The following TSC22D1 variants were observed in gnomAD, a reference collection of about 807,000 sequenced individuals.
TSC22D1 encodes TSC22 domain family protein 1.
TSC22D1 carries 9 observed loss-of-function variants against 74.2 expected under a neutral mutation model. That is an observed-to-expected ratio of 0.12 (90% confidence interval 0.07 to 0.21). The LOEUF is 0.21. Among genes scored for constraint, TSC22D1 ranks in the 10% least tolerant of loss-of-function variants. The pLI is 1.00. For missense variants in TSC22D1, 1,427 were observed against 1,304.7 expected, an observed-to-expected ratio of 1.09 and a Z score of -1.44; for synonymous variants, 586 against 492.5, an observed-to-expected ratio of 1.19 and a Z score of -2.51.
Position 44,573,748 on chromosome 13 carries a change from C to A in TSC22D1, c.2327G>T (p.Gly776Val), listed in dbSNP as rs751091088. Residue 776 changes from glycine (G) to valine (V), a missense_variant, in exon 1 of 3, where the codon GGA (glycine) becomes GTA (valine). Physicochemically the swap from Gly to Val is moderately radical, Grantham distance 109. Coordinates refer to ENST00000458659, the MANE Select transcript of TSC22D1 (RefSeq NM_183422.4). ...PPAQTGIIHQ[G>V]VQTSAPSLPQ... ...AAGGCTTGGAGCACTAGTTTGAACT[C>A]CCTGATGAATAATCCCAGTTTGAGC... 1 of 1,614,208 alleles carries A rather than the reference C, an allele frequency of 6.2e-7. No individual in the cohort carries two copies. The highest frequency in any genetic ancestry group is 8.5e-7 in the Non-Finnish European group (1 of 1,180,032).
chr13:44,542,999 C>G (rs1265898020), intron 1 of TSC22D1, among the ~76,000 whole-genome samples: 1 of 152,046 alleles, frequency 6.6e-6, no homozygotes, highest in Admixed American at 6.5e-5. Flanking sequence ...CAAACCAAAG[C>G]TAACAAAATC....
At chr13:44,547,365 T>C (rs1881892999) in intron 1 of TSC22D1, among the ~76,000 whole-genome samples, 1 of 152,176 alleles carries the variant, frequency 6.6e-6, no homozygotes. Context: ...TCTAGAGAAC[T>C]TTAATTCAGA....
At chr13:44,462,809 A>G (rs1022166352) in intron 1 of TSC22D1, among the ~76,000 whole-genome samples, 2 of 152,180 alleles carry the variant, frequency 1.3e-5, no homozygotes, top group Non-Finnish European at 2.9e-5. Context: ...ACTAGAGTAC[A>G]GGAGAATAAG....
chr13:44,538,575 T>C (rs1008147970), intron 1 of TSC22D1: 19 of 985,306 alleles, frequency 1.9e-5, no homozygotes, highest in Non-Finnish European at 2.2e-5. Flanking sequence ...TCAAGCTTCC[T>C]CTATTTCAGT....
At chr13:44,435,834 G>A in intron 2 of TSC22D1, 1 of 602,502 alleles carries the variant, frequency 1.7e-6, no homozygotes, top group Non-Finnish European at 3.0e-6. Flanking sequence ...CGGGGAAGAA[G>A]ACCATTTAAT....
intron 1 of TSC22D1, among the ~76,000 whole-genome samples, chr13:44,451,004 C>A (rs1335752539): frequency 6.6e-6 from 1 of 152,102 alleles, no homozygotes; most frequent in East Asian, 1.9e-4. Flanking sequence ...CTTGCAAGAA[C>A]CTTGAATGGG....
At chr13:44,460,921 G>A (rs117116230) in intron 1 of TSC22D1, among the ~76,000 whole-genome samples, 2 of 152,214 alleles carry the variant, frequency 1.3e-5, no homozygotes, top group Non-Finnish European at 2.9e-5. Context: ...TGAAAACAAT[G>A]GTTTTTCTTA....
At chr13:44,498,046 T>C (rs1879050198) in intron 1 of TSC22D1, among the ~76,000 whole-genome samples, 1 of 150,270 alleles carries the variant, frequency 6.7e-6, no homozygotes, top group Admixed American at 6.7e-5. Flanking sequence ...GTAGTCTTCC[T>C]ACTTCCAAGA....
chr13:44,572,544 T>C (rs1369672999), intron 1 of TSC22D1, among the ~76,000 whole-genome samples: 3 of 152,242 alleles, frequency 2.0e-5, no homozygotes, highest in Admixed American at 6.5e-5. Flanking sequence ...TGATAGTTTA[T>C]GTCCTCCTTT....
intron 1 of TSC22D1, among the ~76,000 whole-genome samples, chr13:44,509,403 C>T (rs930059883): frequency 2.6e-5 from 4 of 152,206 alleles, no homozygotes; most frequent in Admixed American, 6.5e-5. Flanking sequence ...CTTTGGGAGG[C>T]CAAGGCAGGC....
At chr13:44,472,487 C>G (rs889658734) in intron 1 of TSC22D1, among the ~76,000 whole-genome samples, 2 of 152,104 alleles carry the variant, frequency 1.3e-5, no homozygotes, top group East Asian at 1.9e-4. Flanking sequence ...ACTCACTCAA[C>G]AAACATATGA....
chr13:44,483,052 T>C (rs1180151386), intron 1 of TSC22D1, among the ~76,000 whole-genome samples: 2 of 152,200 alleles, frequency 1.3e-5, no homozygotes, highest in East Asian at 3.8e-4. Flanking sequence ...ATTCTTTACA[T>C]TAAGAAATTT....
At chr13:44,474,143 A>G (rs1470340441) in intron 1 of TSC22D1, 11 of 707,382 alleles carry the variant, frequency 1.6e-5, no homozygotes, top group Non-Finnish European at 1.9e-5. Flanking sequence ...CTGCTTTTCA[A>G]GGTACTAGGC....
chr13:44,575,844 T>C lies in TSC22D1; in HGVS notation c.231A>G (p.Pro77=), dbSNP rs767393622. 21 of 1,614,070 alleles carry C rather than the reference T, an allele frequency of 1.3e-5. No individual in the cohort carries two copies. In the Admixed American group the frequency reaches 1.8e-4, roughly 14 times the overall value. ...TCAGGCTTTGTGGAGGCGGAGGCTG[T>C]GGTCCCGACGTAGAAGATGCTGCAG... ...PPPAASSTSG[P]QPPPPQSLNL... is the part of the protein sequence containing the mutation. The change falls in exon 1 of 3, where the codon CCA becomes CCG. Residue 77 remains proline (P), a synonymous_variant. Coordinates refer to ENST00000458659, the MANE Select transcript of TSC22D1 (RefSeq NM_183422.4).
intron 1 of TSC22D1, among the ~76,000 whole-genome samples, chr13:44,543,237 T>G (rs954820912): frequency 2.0e-5 from 3 of 152,194 alleles, no homozygotes; most frequent in Non-Finnish European, 4.4e-5. Flanking sequence ...TTCTCAATAT[T>G]AAATTATGAA....
chr13:44,479,058 A>T (rs1878054926), intron 1 of TSC22D1, among the ~76,000 whole-genome samples: 2 of 152,164 alleles, frequency 1.3e-5, no homozygotes, highest in African/African-American at 4.8e-5. Context: ...TTGGTCCTAG[A>T]TGGCCCTAGG....
chr13:44,462,051 G>A (rs968955079), intron 1 of TSC22D1, among the ~76,000 whole-genome samples: 1 of 152,176 alleles, frequency 6.6e-6, no homozygotes, highest in Non-Finnish European at 1.5e-5. Flanking sequence ...GCTGGAGGGA[G>A]AGGGGAGATA....
At chr13:44,436,435 A>T (rs1252964245) in intron 1 of TSC22D1, 3 of 1,546,864 alleles carry the variant, frequency 1.9e-6, no homozygotes, top group Non-Finnish European at 2.6e-6. Flanking sequence ...TCGCCTGGCT[A>T]TCTTTCACCT....
intron 1 of TSC22D1, among the ~76,000 whole-genome samples, chr13:44,514,523 C>T (rs1879880544): frequency 6.6e-6 from 1 of 151,866 alleles, no homozygotes; most frequent in African/African-American, 2.4e-5. Flanking sequence ...CACACACACA[C>T]GATGATACAA....
Sources: gnomAD v4.1 joint callset for allele counts (sites outside exome capture counted in the v4.1 genomes callset) on GRCh38, gnomAD v4.1.1 for gene constraint, MANE v1.5 for transcripts, NCBI Gene and HGNC (gene_info 2026-07-23, HGNC 2026-07-21) for gene names.